Variants in MED12L observed in about 807,000 individuals in gnomAD.
The protein encoded by MED12L is mediator of RNA polymerase II transcription subunit 12-like protein.
MED12L carries 60 observed loss-of-function variants against 281.3 expected under a neutral mutation model. That is an observed-to-expected ratio of 0.21 (90% CI 0.17 to 0.26). The LOEUF (loss-of-function observed/expected upper bound fraction) is 0.26. MED12L is among the 10% of genes least tolerant of loss of function. The pLI is 1.00. For synonymous variants in MED12L, 974 were observed against 987.2 expected, an observed-to-expected ratio of 0.99 and a Z score of 0.25; for missense variants, 2,146 against 2,680.9, an observed-to-expected ratio of 0.80 and a Z score of 4.41.
chr3:151,343,781 C>T (rs1752190013), intron 16 of MED12L, among the ~76,000 whole-genome samples: 1 of 152,062 alleles, frequency 6.6e-6, no homozygotes, highest in Non-Finnish European at 1.5e-5. Context: ...ACCAAGTCTA[C>T]TAAAGGTAGT....
chr3:151,167,868 G>A (rs1720922186), intron 11 of MED12L, among the ~76,000 whole-genome samples: 1 of 152,208 alleles, frequency 6.6e-6, no homozygotes, highest in African/African-American at 2.4e-5. Context: ...TGGAAGGAAA[G>A]TAGGGATACC....
chr3:151,392,486 A>T (rs1234951053), intron 38 of MED12L, among the ~76,000 whole-genome samples: 3 of 147,984 alleles, frequency 2.0e-5, no homozygotes, highest in Non-Finnish European at 4.5e-5. Context: ...AAAAAAAAAA[A>T]AAAGTAAAAA....
At chr3:151,147,300 T>G (rs144598758) in intron 5 of MED12L, among the ~76,000 whole-genome samples, 3 of 152,340 alleles carry the variant, frequency 2.0e-5, no homozygotes, top group African/African-American at 4.8e-5. Flanking sequence ...AATCTTTTAC[T>G]TCATTTTATT....
intron 16 of MED12L, among the ~76,000 whole-genome samples, chr3:151,346,739 A>T (rs1752596213): frequency 1.3e-5 from 2 of 152,022 alleles, no homozygotes; most frequent in East Asian, 3.9e-4. Context: ...TTCCCTAAAC[A>T]TAATGTGAAG....
At chr3:151,197,870 T>G (rs2149129283) in intron 16 of MED12L, 1 of 152,738 alleles carries the variant, frequency 6.5e-6, no homozygotes, top group East Asian at 1.9e-4. Flanking sequence ...AAGCTTTTGG[T>G]TATTGTGTTA....
intron 20 of MED12L, 87 bp downstream of exon 20, chr3:151,357,463 T>A: frequency 3.4e-6 from 4 of 1,171,918 alleles, no homozygotes; most frequent in Non-Finnish European, 4.7e-6. Context: ...AAAAGAAAAA[T>A]AGTACTGATA....
intron 9 of MED12L, among the ~76,000 whole-genome samples, chr3:151,164,832 T>A: frequency 6.6e-6 from 1 of 150,968 alleles, no homozygotes; most frequent in South Asian, 2.1e-4. Context: ...AAGGGGAACA[T>A]CACACACCGG....
chr3:151,163,819 C>T (rs994121717), intron 8 of MED12L, 74 bp from the exon 9 acceptor site: 77 of 1,436,494 alleles, frequency 5.4e-5, no homozygotes, highest in Non-Finnish European at 6.7e-5. Flanking sequence ...GACAGGGTGT[C>T]GTTTTTACTG....
chr3:151,116,198 C>A, intron 2 of MED12L, 140 bp from the exon 3 acceptor site: 5 of 564,874 alleles, frequency 8.9e-6, no homozygotes, highest in African/African-American at 1.9e-5. Flanking sequence ...ACTTCAATTT[C>A]TGCCTTCTCT....
intron 16 of MED12L, chr3:151,299,947 A>G (rs902441665): frequency 1.3e-6 from 1 of 746,770 alleles, no homozygotes; most frequent in Non-Finnish European, 2.5e-6. Flanking sequence ...ACACAAAGCT[A>G]AATGCTGGTT....
Position 151,416,403 on chromosome 3 carries a change from T to C in MED12L, c.6389T>C (p.Met2130Thr). The C allele has an allele frequency of 7.3e-7, 1 of 1,366,092 alleles. No individual in the cohort carries two copies. The highest frequency in any genetic ancestry group is 9.8e-7 in the Non-Finnish European group (1 of 1,023,006). 84.6% of individuals were successfully genotyped at this position (1,366,092 alleles called of 1,614,324 possible). ...AGTCAGACCCTTGGTCTCCAAGCAA[T>C]GCAGCCCCAGCAGCCCTTGGTAAGG... Reference protein sequence around the residue: ...SQSQTLGLQAMQPQQPLFPRQ... With the variant: ...SQSQTLGLQATQPQQPLFPRQ... The change falls in exon 43 of 45, where the codon ATG becomes ACG. Residue 2130 changes from methionine to threonine, a missense_variant. Physicochemically the swap from Met to Thr is moderately conservative, Grantham distance 81. Around this residue, in one of 9 missense-constraint regions of MED12L, gnomAD observed 496 missense variants for 512.0 expected, o/e 0.97. Coordinates refer to ENST00000687756, the MANE Select transcript of MED12L (RefSeq NM_001393769.1).
intron 16 of MED12L, chr3:151,295,389 C>T: frequency 1.7e-6 from 1 of 581,272 alleles, no homozygotes; most frequent in Non-Finnish European, 3.0e-6. Context: ...AATTAGTGAC[C>T]TTCTCTCACT....
chr3:151,406,725 T>TA (rs1261903620), intron 39 of MED12L, among the ~76,000 whole-genome samples: 1 of 152,108 alleles, frequency 6.6e-6, no homozygotes, highest in East Asian at 1.9e-4. Context: ...CTTTTAAAAG[T>TA]ATGGCACAAT....
chr3:151,413,263 C>T lies in MED12L; in HGVS notation c.6265C>T (p.Pro2089Ser). 1 of 1,614,146 alleles carries T rather than the reference C, an allele frequency of 6.2e-7. No individual in the cohort carries two copies. Among genetic ancestry groups the T allele is most frequent in the Non-Finnish European group, 8.5e-7 (1 of 1,180,004 alleles). ...LPQDPMRPRQ[P>S]QVRQQQRLLQ... The stretch of plus-strand genomic sequence containing the variant: ...TCAGGATCCCATGAGACCCAGACAG[C>T]CGCAAGTTCGACAGCAGCAGAGACT... The change falls in exon 42 of 45, where the codon CCG becomes TCG. Residue 2089 changes from proline to serine, a missense_variant. By Grantham distance (74) the Pro-to-Ser change is moderately conservative. Transcript: ENST00000687756.
intron 16 of MED12L, among the ~76,000 whole-genome samples, chr3:151,247,665 G>A (rs1735906119): frequency 6.9e-6 from 1 of 145,672 alleles, no homozygotes; most frequent in African/African-American, 2.5e-5. Context: ...AATGCTAGAT[G>A]ACGAGTTAGT....
chr3:151,202,360 G>C (rs981989866), intron 16 of MED12L, among the ~76,000 whole-genome samples: 2 of 152,202 alleles, frequency 1.3e-5, no homozygotes, highest in Non-Finnish European at 2.9e-5. Flanking sequence ...TTTGGATAGA[G>C]TGCCCATTGC....
chr3:151,207,038 A>C (rs1726473155), intron 16 of MED12L, among the ~76,000 whole-genome samples: 1 of 146,088 alleles, frequency 6.8e-6, no homozygotes, highest in Non-Finnish European at 1.5e-5. Context: ...CCCTTTTCCT[A>C]GCCATGTGAT....
At chr3:151,372,951 A>G (rs1046355607) in intron 27 of MED12L, among the ~76,000 whole-genome samples, 185 bp downstream of exon 27, 3 of 152,186 alleles carry the variant, frequency 2.0e-5, no homozygotes, top group African/African-American at 4.8e-5. Flanking sequence ...TCCATCCTTT[A>G]CACGGATTTA....
intron 16 of MED12L, among the ~76,000 whole-genome samples, chr3:151,225,257 A>G (rs955209755): frequency 2.0e-5 from 3 of 152,096 alleles, no homozygotes; most frequent in Non-Finnish European, 2.9e-5. Context: ...TTTCTCAGAA[A>G]TCCTTCTTCT....
Sources: allele counts gnomAD v4.1 joint callset (sites outside exome capture counted in the v4.1 genomes callset), GRCh38; gene constraint gnomAD v4.1.1; regional missense constraint gnomAD v4.1.1; transcripts MANE v1.5; gene names NCBI Gene and HGNC (gene_info 2026-07-23, HGNC 2026-07-21).